The following SSH2 variants were observed in gnomAD, a reference collection of about 807,000 sequenced individuals.
SSH2 encodes slingshot protein phosphatase 2.
In SSH2, 37 loss-of-function variants were observed where a neutral mutation model predicts 135.2. The ratio of observed to expected loss-of-function variants is 0.27; its 90% CI spans 0.21 to 0.36. SSH2 has a LOEUF of 0.36. Among genes scored for constraint, SSH2 ranks in the 10% least tolerant of loss-of-function variants. The pLI is 1.00. For missense variants in SSH2, 1,408 were observed against 1,765.3 expected, an observed-to-expected ratio of 0.80 and a Z score of 3.63; for synonymous variants, 628 against 646.2, an observed-to-expected ratio of 0.97 and a Z score of 0.43.
At chr17:29,887,908 T>C (rs949493652) in intron 1 of SSH2, among the ~76,000 whole-genome samples, 6 of 152,162 alleles carry the variant, frequency 3.9e-5, no homozygotes, top group African/African-American at 1.4e-4. Context: ...CACAATATAG[T>C]TTTTGCAGAT....
intron 1 of SSH2, among the ~76,000 whole-genome samples, chr17:29,850,086 A>G (rs950949485): frequency 6.6e-6 from 1 of 150,788 alleles, no homozygotes; most frequent in African/African-American, 2.4e-5. Flanking sequence ...GTCCCCCAAC[A>G]GGCACCAGAA....
rs908073811 is a variant in SSH2 at position 29,836,982 on chromosome 17, C to G, written c.144+11867G>C. Reference sequence around the variant, plus strand: ...AAGAAAATAGACATCTTAGGCTGGGCGTGGTGGCTCATGCCTATAATCTCA... The same window carrying G: ...AAGAAAATAGACATCTTAGGCTGGGGGTGGTGGCTCATGCCTATAATCTCA... On this transcript the variant is annotated intron_variant, in intron 2 of 15. Coordinates refer to ENST00000540801, the MANE Select transcript of SSH2 (RefSeq NM_001282129.2). Among the ~76,000 whole-genome samples the G allele has an allele frequency of 2.0e-5, 3 of 152,246 alleles. No homozygotes were observed. The East Asian group carries it at 5.8e-4, about 29-fold the overall frequency.
intron 3 of SSH2, among the ~76,000 whole-genome samples, chr17:29,743,316 C>T (rs2040635279): frequency 6.6e-6 from 1 of 151,978 alleles, no homozygotes; most frequent in Non-Finnish European, 1.5e-5. Context: ...TTGGAAATTT[C>T]TCCTGAAGTT....
intron 2 of SSH2, among the ~76,000 whole-genome samples, chr17:29,841,892 A>ATTTTTTT (rs770836134): frequency 6.3e-4 from 63 of 99,628 alleles, no homozygotes; most frequent in South Asian, 1.1e-3. Context: ...CCCTTGGCTA[A>ATTTTTTT]TTTTTTTTTT....
chr17:29,714,836 A>G (rs973775181), intron 3 of SSH2, among the ~76,000 whole-genome samples: 7 of 151,558 alleles, frequency 4.6e-5, no homozygotes, highest in African/African-American at 1.7e-4. Context: ...AGACTCCTAG[A>G]CCCCTGATTC....
At chr17:29,652,099 G>A (rs567037093) in intron 12 of SSH2, among the ~76,000 whole-genome samples, 18 of 152,106 alleles carry the variant, frequency 1.2e-4, no homozygotes, top group African/African-American at 3.6e-4. Context: ...TCGAGATTGC[G>A]CCATTGCACT....
intron 8 of SSH2, 28 bp downstream of exon 8, chr17:29,676,792 T>C: frequency 1.9e-6 from 3 of 1,574,954 alleles, no homozygotes; most frequent in Non-Finnish European, 2.6e-6. Flanking sequence ...TTAAAACACT[T>C]TTGTAGAGAT....
intron 13 of SSH2, among the ~76,000 whole-genome samples, chr17:29,649,391 T>C (rs2036504581): frequency 6.6e-6 from 1 of 151,878 alleles, no homozygotes; most frequent in Non-Finnish European, 1.5e-5. Flanking sequence ...GATTCTGAAA[T>C]GAGACAAGTT....
At chr17:29,898,305 AC>A (rs1567639412) in intron 1 of SSH2, among the ~76,000 whole-genome samples, 1 of 152,164 alleles carries the variant, frequency 6.6e-6, no homozygotes, top group South Asian at 2.1e-4. Context: ...ATATAGAGAC[AC>A]AAAAAAACCC....
rs1307981350 is a variant in SSH2, at chr17:29,893,951, ATT to A, written c.63+35985_63+35986del. On this transcript the variant is annotated intron_variant, in intron 1 of 15. Transcript: ENST00000540801. Reference sequence around the variant, plus strand: ...AGTCTTATTTGCAGGATTTTCCTTCATTAGTCTCCCAAATGTCCCATTCCCCA... The same window carrying A: ...AGTCTTATTTGCAGGATTTTCCTTCAAGTCTCCCAAATGTCCCATTCCCCA... 2.0e-5 allele frequency among the ~76,000 whole-genome samples: 3 copies of A among 152,060 alleles called. No homozygotes were observed. The East Asian group carries it at 5.8e-4, about 29-fold the overall frequency.
intron 3 of SSH2, among the ~76,000 whole-genome samples, chr17:29,720,129 T>C (rs1320963818): frequency 6.6e-6 from 1 of 152,252 alleles, no homozygotes; most frequent in Non-Finnish European, 1.5e-5. Context: ...CATTTTGAAT[T>C]CTTTGCCTGT....
At chr17:29,703,166 A>G in intron 3 of SSH2, 104 bp from the exon 4 acceptor site, 1 of 759,290 alleles carries the variant, frequency 1.3e-6, no homozygotes, top group Non-Finnish European at 2.3e-6. Context: ...CCAAAGTCCC[A>G]ACTTCATGGA....
intron 3 of SSH2, among the ~76,000 whole-genome samples, chr17:29,793,010 T>G (rs975021400): frequency 6.6e-6 from 1 of 152,078 alleles, no homozygotes; most frequent in Non-Finnish European, 1.5e-5. Context: ...TTAGCCAGCT[T>G]CTTCACAATG....
At chr17:29,792,925 C>T (rs1363804771) in intron 3 of SSH2, among the ~76,000 whole-genome samples, 1 of 152,060 alleles carries the variant, frequency 6.6e-6, no homozygotes, top group Non-Finnish European at 1.5e-5. Flanking sequence ...CCGCCTGCCT[C>T]GGCTTCCCAA....
chr17:29,926,067 T>C (rs1182568276), intron 1 of SSH2, among the ~76,000 whole-genome samples: 2 of 152,096 alleles, frequency 1.3e-5, no homozygotes, highest in African/African-American at 4.8e-5. Flanking sequence ...ATCTAATCAG[T>C]TCCCAAGTAT....
intron 3 of SSH2, among the ~76,000 whole-genome samples, chr17:29,753,484 C>T (rs1197281205): frequency 1.3e-5 from 2 of 151,768 alleles, no homozygotes; most frequent in African/African-American, 4.8e-5. Flanking sequence ...GAAAGATATG[C>T]CTACACACTG....
chr17:29,826,593 G>T (rs1326463313), intron 2 of SSH2, among the ~76,000 whole-genome samples: 2 of 152,124 alleles, frequency 1.3e-5, no homozygotes, highest in Non-Finnish European at 2.9e-5. Context: ...CTTTCTCTTT[G>T]ACTTTGCTTT....
At position 29,783,699 on chromosome 17, in the gene SSH2, G is replaced by T. The variant is rs577232641; in HGVS notation, c.188+10195C>A. Among the ~76,000 whole-genome samples the T allele has an allele frequency of 7.2e-5, 11 of 152,200 alleles. 1 individual carries two copies. Among genetic ancestry groups the T allele is most frequent in the African/African-American group, 2.4e-4 (10 of 41,536 alleles). On this transcript the variant is annotated intron_variant, in intron 3 of 15. Transcript: ENST00000540801. Reference sequence around the variant, plus strand: ...TTCAATCCAATCAAGCTGACACTCAGTATTAACCATTACACCTGAAAAGGC... The same window carrying T: ...TTCAATCCAATCAAGCTGACACTCATTATTAACCATTACACCTGAAAAGGC...
chr17:29,887,407 C>T (rs1400581127), intron 1 of SSH2, among the ~76,000 whole-genome samples: 1 of 152,082 alleles, frequency 6.6e-6, no homozygotes, highest in Non-Finnish European at 1.5e-5. Context: ...TTCCTAGACC[C>T]ATCAAAAATG....
Sources: gnomAD v4.1 joint callset for allele counts (sites outside exome capture counted in the v4.1 genomes callset) on GRCh38, gnomAD v4.1.1 for gene constraint, MANE v1.5 for transcripts, NCBI Gene and HGNC (gene_info 2026-07-23, HGNC 2026-07-21) for gene names.